Variants in RPN1 observed in about 807,000 individuals in gnomAD.
The protein encoded by RPN1 is dolichyl-diphosphooligosaccharide--protein glycosyltransferase subunit 1.
A neutral mutation model predicts 55.5 loss-of-function variants in RPN1; 12 were observed. That is an observed-to-expected ratio of 0.22 (90% CI 0.14 to 0.35). The LOEUF (loss-of-function observed/expected upper bound fraction) is 0.35. Among genes scored for constraint, RPN1 ranks in the 10% least tolerant of loss-of-function variants. The probability of loss-of-function intolerance (pLI) is 1.00; values close to 1 mark genes in which losing one functional copy is unlikely to be tolerated. For synonymous variants in RPN1, 317 were observed against 305.9 expected (o/e 1.04, Z -0.38); for missense variants, 679 against 761.3 (o/e 0.89, Z 1.27).
At chr3:128,626,909 C>T in intron 5 of RPN1, 77 bp from the exon 6 acceptor site, 4 of 1,322,230 alleles carry the variant, frequency 3.0e-6, no homozygotes, top group Non-Finnish European at 4.3e-6. Context: ...TACAGGGGCT[C>T]ACATAAAGAC....
intron 9 of RPN1, among the ~76,000 whole-genome samples, chr3:128,621,704 C>T (rs185233953): frequency 6.6e-6 from 1 of 152,320 alleles, no homozygotes; most frequent in East Asian, 1.9e-4. Flanking sequence ...ATTTCACACT[C>T]AGAACCCCTA....
chr3:128,643,276 G>T (rs1323096487), intron 2 of RPN1, among the ~76,000 whole-genome samples: 1 of 149,028 alleles, frequency 6.7e-6, no homozygotes, highest in South Asian at 2.1e-4. Context: ...GCAGTGAGCC[G>T]AGATCACGCC....
At chr3:128,626,951 C>T (rs2069603822) in intron 5 of RPN1, 119 bp from the exon 6 acceptor site, 5 of 819,840 alleles carry the variant, frequency 6.1e-6, no homozygotes, top group Middle Eastern at 2.2e-4. Flanking sequence ...CAAAAACCCA[C>T]GGACCATGTT....
In RPN1 at chr3:128,632,070, T is replaced by C. The variant is rs1303618678; in HGVS notation, c.721A>G (p.Asn241Asp). 3 of 1,614,186 alleles carry C rather than the reference T, an allele frequency of 1.9e-6. No individual in the cohort carries two copies. Among genetic ancestry groups the C allele is most frequent in the Admixed American group, 1.7e-5 (1 of 60,004 alleles). ...TRVIEVSHWGNIAVEENVDLK... is the reference protein window; with the variant it reads ...TRVIEVSHWGDIAVEENVDLK... ...TCCACATTTTCTTCCACAGCAATAT[T>C]ACCCCAGTGAGAGACTTCAATGACT... The change falls in exon 4 of 10, where the codon AAT becomes GAT. Residue 241 changes from asparagine (N) to aspartate (D), a missense_variant. This residue lies in a region of RPN1 where 352 missense variants were observed against 352.8 expected (regional missense o/e 1.00). Coordinates refer to ENST00000296255, the MANE Select transcript of RPN1 (RefSeq NM_002950.4).
At chr3:128,628,225 C>G (rs996158140) in intron 5 of RPN1, among the ~76,000 whole-genome samples, 1 of 151,630 alleles carries the variant, frequency 6.6e-6, no homozygotes, top group Non-Finnish European at 1.5e-5. Flanking sequence ...CCAATGCACT[C>G]CAGCCTGGGA....
intron 7 of RPN1, 97 bp downstream of exon 7, chr3:128,625,777 G>A: frequency 1.9e-6 from 3 of 1,560,070 alleles, no homozygotes; most frequent in Non-Finnish European, 2.6e-6. Flanking sequence ...GAGCTCAAAT[G>A]ACTCCAGCCC....
Sources: allele counts gnomAD v4.1 joint callset (sites outside exome capture counted in the v4.1 genomes callset), GRCh38; gene constraint gnomAD v4.1.1; regional missense constraint gnomAD v4.1.1; transcripts MANE v1.5; gene names NCBI Gene and HGNC (gene_info 2026-07-23, HGNC 2026-07-21).